The following SEMA6D variants were observed in gnomAD, a reference collection of about 807,000 sequenced individuals.
The protein encoded by SEMA6D is semaphorin 6D, also known as semaphorin-6D.
Under a neutral mutation model 106.6 loss-of-function variants are expected in SEMA6D, and 35 were observed. The observed-to-expected ratio is 0.33, with a 90% CI of 0.25 to 0.44. The LOEUF is 0.44. Among genes scored for constraint, SEMA6D ranks in the 20% least tolerant of loss-of-function variants. SEMA6D has a pLI of 1.00. For missense variants in SEMA6D, 1,185 were observed against 1,345.9 expected (o/e 0.88, Z 1.87); for synonymous variants, 499 against 487.7 (o/e 1.02, Z -0.31).
At chr15:47,732,010 C>T (rs1163143485) in intron 1 of SEMA6D, among the ~76,000 whole-genome samples, 4 of 152,096 alleles carry the variant, frequency 2.6e-5, no homozygotes, top group African/African-American at 2.4e-5. Flanking sequence ...ACTAGACCTC[C>T]GAGTCTAGTT....
chr15:47,431,968 T>A (rs1056282083), intron 2 of SEMA6D, among the ~76,000 whole-genome samples: 2 of 152,134 alleles, frequency 1.3e-5, no homozygotes, highest in Non-Finnish European at 2.9e-5. Context: ...GATGTATCAA[T>A]GGTTTCTTTT....
intron 1 of SEMA6D, among the ~76,000 whole-genome samples, chr15:47,301,014 T>C (rs1209679816): frequency 1.3e-5 from 2 of 152,348 alleles, no homozygotes; most frequent in East Asian, 3.9e-4. Context: ...GGAAAAATTA[T>C]ATCTTGAGAT....
intron 1 of SEMA6D, among the ~76,000 whole-genome samples, chr15:47,723,101 T>C (rs2079517975): frequency 6.6e-6 from 1 of 152,174 alleles, no homozygotes; most frequent in South Asian, 2.1e-4. Flanking sequence ...ACTTCTGACA[T>C]TTGCTTTTCA....
At chr15:47,574,545 G>A (rs2076123122) in intron 3 of SEMA6D, among the ~76,000 whole-genome samples, 1 of 152,120 alleles carries the variant, frequency 6.6e-6, no homozygotes, top group African/African-American at 2.4e-5. Flanking sequence ...CAAGAATTTA[G>A]CGGAATCTTG....
intron 2 of SEMA6D, among the ~76,000 whole-genome samples, chr15:47,440,543 C>A (rs2140761309): frequency 6.6e-6 from 1 of 151,786 alleles, no homozygotes; most frequent in South Asian, 2.1e-4. Context: ...AGACCCCCAG[C>A]TAAACTTCAG....
At chr15:47,224,029 G>T (rs2031438252) in intron 1 of SEMA6D, among the ~76,000 whole-genome samples, 1 of 151,938 alleles carries the variant, frequency 6.6e-6, no homozygotes, top group African/African-American at 2.4e-5. Context: ...ATTTGGGAGG[G>T]ATAGCATTGG....
At chr15:47,457,552 A>G (rs1362885395) in intron 2 of SEMA6D, among the ~76,000 whole-genome samples, 1 of 151,986 alleles carries the variant, frequency 6.6e-6, no homozygotes, top group East Asian at 1.9e-4. Flanking sequence ...ATAACTGCCC[A>G]AGATTTAAAA....
intron 2 of SEMA6D, among the ~76,000 whole-genome samples, chr15:47,430,236 G>A (rs1302753227): frequency 6.6e-6 from 1 of 151,930 alleles, no homozygotes; most frequent in Non-Finnish European, 1.5e-5. Context: ...TTTCCCTGCT[G>A]TAGAGAAAAA....
intron 1 of SEMA6D, among the ~76,000 whole-genome samples, chr15:47,346,520 A>G (rs1254750389): frequency 6.6e-6 from 1 of 152,198 alleles, no homozygotes; most frequent in African/African-American, 2.4e-5. Flanking sequence ...CTGGAAGTTC[A>G]ATTACCAGAT....
chr15:47,276,552 C>T lies in SEMA6D; in HGVS notation c.-239+92134C>T, dbSNP rs76802771. On this transcript the variant is annotated intron_variant, in intron 1 of 19. Coordinates refer to the SEMA6D transcript ENST00000558014. ...AAATGGAAAAATAAACCGTGGATGA[C>T]ACTACATCTGTTTACTGCATGGTTT... 4.2e-3 allele frequency among the ~76,000 whole-genome samples: 632 copies of T among 152,236 alleles called. 2 individuals carry two copies. Among genetic ancestry groups the T allele is most frequent in the African/African-American group, 0.015 (614 of 41,544 alleles).
At position 47,190,449 on chromosome 15, in the gene SEMA6D, C is replaced by T. The variant is rs144734731; in HGVS notation, c.-239+6031C>T. On this transcript the variant is annotated intron_variant, in intron 1 of 19. Transcript: ENST00000558014. Reference sequence around the variant, plus strand: ...TAATGGCAATTGAGGCTTCTTTTATCTTTACTTTCCATTACAATTTGTGTA... The same window carrying T: ...TAATGGCAATTGAGGCTTCTTTTATTTTTACTTTCCATTACAATTTGTGTA... 9.1e-4 allele frequency among the ~76,000 whole-genome samples: 138 copies of T among 152,278 alleles called. 2 individuals are homozygous for T. The highest frequency in any genetic ancestry group is 3.2e-3 in the African/African-American group (133 of 41,564).
At chr15:47,317,520 T>C (rs2036730243) in intron 1 of SEMA6D, among the ~76,000 whole-genome samples, 1 of 152,192 alleles carries the variant, frequency 6.6e-6, no homozygotes, top group African/African-American at 2.4e-5. Context: ...TCTGAAGAAC[T>C]TTTAGCATTT....
intron 3 of SEMA6D, among the ~76,000 whole-genome samples, chr15:47,517,748 G>T (rs944868226): frequency 6.6e-6 from 1 of 152,098 alleles, no homozygotes; most frequent in African/African-American, 2.4e-5. Context: ...TCCACCCAAT[G>T]TTTCTGGGTC....
intron 1 of SEMA6D, among the ~76,000 whole-genome samples, chr15:47,358,141 A>C (rs1595816309): frequency 6.6e-6 from 1 of 152,128 alleles, no homozygotes; most frequent in Non-Finnish European, 1.5e-5. Context: ...CTGTTCCCCA[A>C]ACTCTTCATT....
At chr15:47,255,307 A>T (rs978671229) in intron 1 of SEMA6D, among the ~76,000 whole-genome samples, 1 of 151,796 alleles carries the variant, frequency 6.6e-6, no homozygotes, top group Non-Finnish European at 1.5e-5. Flanking sequence ...TTCACCTTTA[A>T]TTTTGTAAAT....
intron 1 of SEMA6D, among the ~76,000 whole-genome samples, chr15:47,254,214 A>C (rs2033668510): frequency 6.7e-6 from 1 of 150,290 alleles, no homozygotes; most frequent in South Asian, 2.1e-4. Context: ...TCTTGAATTC[A>C]TTTATTAGTT....
intron 4 of SEMA6D, among the ~76,000 whole-genome samples, chr15:47,623,350 G>A (rs879666313): frequency 1.3e-5 from 2 of 152,100 alleles, no homozygotes; most frequent in Non-Finnish European, 2.9e-5. Flanking sequence ...CTAGTTTATG[G>A]ACTTTACCTA....
intron 1 of SEMA6D, among the ~76,000 whole-genome samples, chr15:47,326,591 A>G (rs1169909677): frequency 1.3e-5 from 2 of 151,746 alleles, no homozygotes; most frequent in Non-Finnish European, 2.9e-5. Flanking sequence ...TTTACAAGCA[A>G]TGTTGCCGTG....
intron 1 of SEMA6D, among the ~76,000 whole-genome samples, chr15:47,352,676 C>T (rs1203360945): frequency 6.6e-6 from 1 of 152,178 alleles, no homozygotes; most frequent in Admixed American, 6.5e-5. Context: ...TAGCCACCTC[C>T]AGTTCATGAG....
Sources: gnomAD v4.1 joint callset for allele counts (sites outside exome capture counted in the v4.1 genomes callset) on GRCh38, gnomAD v4.1.1 for gene constraint, MANE v1.5 for transcripts, NCBI Gene and HGNC (gene_info 2026-07-23, HGNC 2026-07-21) for gene names.